GIGYF2: variants seen among roughly 807,000 people sequenced by gnomAD.
GIGYF2 encodes the protein GRB10-interacting GYF protein 2.
Under a neutral mutation model 208.1 loss-of-function variants are expected in GIGYF2, and 25 were observed. That is an observed-to-expected ratio of 0.12 (90% CI 0.09 to 0.17). GIGYF2 has a LOEUF of 0.17. Ranked by LOEUF, GIGYF2 falls within the 10% of genes least tolerant of loss-of-function variation. The pLI is 1.00. For missense variants in GIGYF2, 1,302 were observed against 1,579.4 expected (o/e 0.82, Z 2.98); for synonymous variants, 534 against 543.8 (o/e 0.98, Z 0.25).
intron 21 of GIGYF2, among the ~76,000 whole-genome samples, chr2:232,831,473 A>G (rs1444605531): frequency 6.6e-6 from 1 of 152,174 alleles, no homozygotes; most frequent in African/African-American, 2.4e-5. Flanking sequence ...AAGACTTTTT[A>G]GGAAATTGTT....
At chr2:232,745,337 T>TA (rs1698111949) in intron 3 of GIGYF2, among the ~76,000 whole-genome samples, 1 of 151,716 alleles carries the variant, frequency 6.6e-6, no homozygotes. Flanking sequence ...GCAAGAAAAA[T>TA]ACAAGATGAA....
intron 3 of GIGYF2, among the ~76,000 whole-genome samples, chr2:232,744,244 C>A (rs755805009): frequency 1.3e-5 from 2 of 152,272 alleles, no homozygotes; most frequent in Non-Finnish European, 2.9e-5. Context: ...GTGGTGAATA[C>A]ATTTGAAATC....
At chr2:232,763,104 T>G (rs1698814255) in intron 8 of GIGYF2, among the ~76,000 whole-genome samples, 1 of 152,196 alleles carries the variant, frequency 6.6e-6, no homozygotes, top group South Asian at 2.1e-4. Flanking sequence ...AGCCATATTG[T>G]AGACTGTTGG....
chr2:232,740,104 T>C (rs1012006101), intron 3 of GIGYF2, among the ~76,000 whole-genome samples: 2 of 151,998 alleles, frequency 1.3e-5, no homozygotes, highest in African/African-American at 4.8e-5. Context: ...AGTGACAAAG[T>C]GCTACTCTGT....
chr2:232,711,540 T>A (rs1004255858), intron 2 of GIGYF2, among the ~76,000 whole-genome samples: 4 of 151,478 alleles, frequency 2.6e-5, no homozygotes, highest in African/African-American at 9.7e-5. Flanking sequence ...TCTAAAACAT[T>A]TCTAAAAATT....
At chr2:232,705,489 T>C (rs62193271) in intron 2 of GIGYF2, 109,735 of 152,110 alleles carry the variant, frequency 0.72, 40,331 homozygotes, top group East Asian at 0.88. Flanking sequence ...GCTCACCACA[T>C]CCTCTGCCTC....
At chr2:232,777,504 C>T (rs1303205658) in intron 8 of GIGYF2, among the ~76,000 whole-genome samples, 2 of 152,046 alleles carry the variant, frequency 1.3e-5, no homozygotes, top group Non-Finnish European at 2.9e-5. Context: ...GAAACAAAGA[C>T]TGTGATTGTT....
chr2:232,739,621 A>G (rs557471395), intron 3 of GIGYF2, among the ~76,000 whole-genome samples: 2 of 151,984 alleles, frequency 1.3e-5, no homozygotes, highest in Admixed American at 6.6e-5. Context: ...CAAGGCTGCC[A>G]TGACTGCGCT....
chr2:232,809,893 C>A, intron 16 of GIGYF2, 82 bp downstream of exon 16: 1 of 850,542 alleles, frequency 1.2e-6, no homozygotes, highest in Non-Finnish European at 2.1e-6. Flanking sequence ...TCACCTTTTA[C>A]AGTAGAGAGG....
chr2:232,727,370 G>T (rs74383413), intron 2 of GIGYF2, among the ~76,000 whole-genome samples: 3,520 of 152,298 alleles, frequency 0.023, 150 homozygotes, highest in African/African-American at 0.081. Flanking sequence ...ATAAGGTATA[G>T]TGTATGATTC....
intron 8 of GIGYF2, chr2:232,776,415 A>G (rs988655780): frequency 6.3e-7 from 1 of 1,585,034 alleles, no homozygotes; most frequent in Non-Finnish European, 8.6e-7. Flanking sequence ...CCATAAGGAA[A>G]GAAGAATGGA....
chr2:232,836,631 G>C (rs1431579658), intron 22 of GIGYF2, among the ~76,000 whole-genome samples: 1 of 149,706 alleles, frequency 6.7e-6, no homozygotes, highest in Non-Finnish European at 1.5e-5. Flanking sequence ...TTAAATTCAG[G>C]TTTCTTTGAA....
In GIGYF2 at chr2:232,794,861, G is replaced by C. The variant is rs1296138387; in HGVS notation, c.1396G>C (p.Glu466Gln). Residue 466 changes from glutamate (E) to glutamine (Q), a missense_variant, in exon 13 of 29, where the codon GAA (glutamate) becomes CAA (glutamine). This residue lies in a region of GIGYF2 where 235 missense variants were observed against 218.8 expected (regional missense o/e 1.07). Coordinates refer to ENST00000373563, the MANE Select transcript of GIGYF2 (RefSeq NM_001103146.3). ...PNPSPTLRPVETPVVGAPGMG... is the reference protein window; with the variant it reads ...PNPSPTLRPVQTPVVGAPGMG... ...TCCTAGTCCTACTCTCCGGCCAGTT[G>C]AAACACCAGTTGTAGGTGCTCCTGG... is the stretch of plus-strand genomic sequence containing the variant. 9.9e-6 allele frequency: 16 copies of C among 1,613,690 alleles called. No individual in the cohort carries two copies. Among genetic ancestry groups the C allele is most frequent in the Non-Finnish European group, 1.4e-5 (16 of 1,179,776 alleles).
At chr2:232,813,334 C>T (rs1424814051) in intron 18 of GIGYF2, among the ~76,000 whole-genome samples, 7 of 106,702 alleles carry the variant, frequency 6.6e-5, no homozygotes, top group Non-Finnish European at 9.6e-5. Context: ...GGATTAATTA[C>T]GCTATCACAC....
Position 232,760,603 on chromosome 2 carries a change from CA to C in GIGYF2, c.491+13del. 6.6e-7 allele frequency: 1 copy of C among 1,514,494 alleles called. No individual in the cohort carries two copies. The highest frequency in any genetic ancestry group is 9.2e-7 in the Non-Finnish European group (1 of 1,089,766). The allele number at this position is 1,514,494 out of a possible 1,614,324, so 93.8% of individuals were successfully genotyped here. Reference sequence around the variant, plus strand: ...AGCTGGGAGGAAAGGTAACTGGATCCACATATTGGCATAAAAATTTCTTGGC... The same window carrying C: ...AGCTGGGAGGAAAGGTAACTGGATCCCATATTGGCATAAAAATTTCTTGGC... On this transcript the variant is annotated intron_variant, in intron 7 of 28. Coordinates refer to ENST00000373563, the MANE Select transcript of GIGYF2 (RefSeq NM_001103146.3).
chr2:232,711,654 T>C (rs1696406832), intron 2 of GIGYF2, among the ~76,000 whole-genome samples: 1 of 146,572 alleles, frequency 6.8e-6, no homozygotes. Flanking sequence ...AGTCTGTTGC[T>C]ATTTATTACT....
At chr2:232,829,506 A>T (rs548635505) in intron 21 of GIGYF2, among the ~76,000 whole-genome samples, 1 of 152,354 alleles carries the variant, frequency 6.6e-6, no homozygotes, top group Admixed American at 6.5e-5. Flanking sequence ...TGGTCAATTC[A>T]GTCTTCAACA....
intron 8 of GIGYF2, chr2:232,771,554 C>T (rs59502980): frequency 0.07 from 36,401 of 523,426 alleles, 1,600 homozygotes; most frequent in East Asian, 0.17. Flanking sequence ...CATTTGGGAG[C>T]TAATTGTGTG....
chr2:232,850,459 C>G (rs370276744), intron 28 of GIGYF2, 50 bp downstream of exon 28: 16 of 1,522,604 alleles, frequency 1.1e-5, no homozygotes, highest in Non-Finnish European at 1.5e-5. Flanking sequence ...GCAGGTGATA[C>G]CAGTTATCCT....
Sources: gnomAD v4.1 joint callset for allele counts (sites outside exome capture counted in the v4.1 genomes callset) on GRCh38, gnomAD v4.1.1 for gene constraint, gnomAD v4.1.1 regional missense constraint, MANE v1.5 for transcripts, NCBI Gene and HGNC (gene_info 2026-07-23, HGNC 2026-07-21) for gene names.